COX7A1: variants seen among roughly 807,000 people sequenced by gnomAD.
COX7A1 encodes cytochrome c oxidase subunit 7A1, mitochondrial.
Under a neutral mutation model 13.2 loss-of-function variants are expected in COX7A1, and 21 were observed. The ratio of observed to expected loss-of-function variants is 1.59; its 90% CI spans 1.13 to 2.29. COX7A1 has a LOEUF of 2.29. Among genes scored for constraint, COX7A1 ranks in the 30% most tolerant of loss-of-function variants. The probability of loss-of-function intolerance (pLI) is 0.00; values close to 1 mark genes in which losing one functional copy is unlikely to be tolerated. For missense variants in COX7A1, 107 were observed against 100.0 expected (o/e 1.07, Z -0.30); for synonymous variants, 41 against 41.9 (o/e 0.98, Z 0.08).
Position 36,152,409 on chromosome 19 carries a change from C to A in COX7A1, c.-2G>T. 2.2e-6 allele frequency: 3 copies of A among 1,365,492 alleles called. No individual in the cohort carries two copies. Among genetic ancestry groups the A allele is most frequent in the Non-Finnish European group, 2.9e-6 (3 of 1,047,096 alleles). The allele number at this position is 1,365,492 out of a possible 1,614,324, so 84.6% of individuals were successfully genotyped here. ...GGGCCTCACCCGAAGGGCCTGCATT[C>A]TGCCTTGTCCTCTTCCGCCGGAGTC... On this transcript the variant is annotated 5_prime_UTR_variant, in exon 1 of 4. Coordinates refer to ENST00000292907, the MANE Select transcript of COX7A1 (RefSeq NM_001864.4).
intron 1 of COX7A1, 60 bp downstream of exon 1, chr19:36,152,333 C>T (rs533307027): frequency 2.4e-6 from 3 of 1,249,650 alleles, no homozygotes; most frequent in Non-Finnish European, 2.1e-6. Context: ...CTTGGAGAGT[C>T]GCGTATTAGG....
Position 36,151,449 on chromosome 19 carries a change from G to T in COX7A1, c.187+13C>A, listed in dbSNP as rs1974766630. 3 of 1,613,948 alleles carry T rather than the reference G, an allele frequency of 1.9e-6. No individual in the cohort carries two copies. Among genetic ancestry groups the T allele is most frequent in the South Asian group, 1.1e-5 (1 of 91,070 alleles). ...CCCGCCTCCCCCGCAGCCCAGACGG[G>T]CCCTGCGCTCACCGCCCAGACACAG... On this transcript the variant is annotated intron_variant, in intron 3 of 3. Coordinates refer to ENST00000292907, the MANE Select transcript of COX7A1 (RefSeq NM_001864.4).
At position 36,151,645 on chromosome 19, in the gene COX7A1, TCCCCAC is replaced by T; in HGVS notation, c.102+18_102+23del. On this transcript the variant is annotated intron_variant, in intron 2 of 3. Coordinates refer to ENST00000292907, the MANE Select transcript of COX7A1 (RefSeq NM_001864.4). ...GCGCGCTCCCGGCTGGCGCGTCGGATCCCCACCCCCCCCGACCCCCCACCTGGAAGA... is the reference window on the plus strand; with the variant it reads ...GCGCGCTCCCGGCTGGCGCGTCGGATCCCCCCCGACCCCCCACCTGGAAGA... The T allele has an allele frequency of 3.6e-6, 5 of 1,387,620 alleles. No homozygotes were observed. Among genetic ancestry groups the T allele is most frequent in the Non-Finnish European group, 4.0e-6 (4 of 1,011,252 alleles). The allele number at this position is 1,387,620 out of a possible 1,614,324, so 86.0% of individuals were successfully genotyped here. A position where few individuals can be genotyped will look rare whatever the true frequency, so the allele number is the denominator to read the frequency against.
intron 1 of COX7A1, chr19:36,152,031 G>A (rs1418309309): frequency 8.2e-6 from 5 of 606,782 alleles, no homozygotes; most frequent in Non-Finnish European, 1.5e-5. Flanking sequence ...CCTAAGTCCT[G>A]AGATTTTTGT....
intron 1 of COX7A1, 118 bp from the exon 2 acceptor site, chr19:36,151,873 G>T (rs1168582303): frequency 1.1e-6 from 1 of 919,464 alleles, no homozygotes; most frequent in Non-Finnish European, 1.8e-6. Context: ...CGTCCCAAAG[G>T]CGAGGAGGGT....
Position 36,151,470 on chromosome 19 carries a change from C to G in COX7A1, c.179G>C (p.Cys60Ser), listed in dbSNP as rs369479742. 5.6e-6 allele frequency: 9 copies of G among 1,614,094 alleles called. No homozygotes were observed. Among genetic ancestry groups the G allele is most frequent in the Non-Finnish European group, 7.6e-6 (9 of 1,180,038 alleles). The change falls in exon 3 of 4, where the codon TGT becomes TCT. Residue 60 changes from cysteine (C) to serine (S), a missense_variant. Physicochemically the swap from Cys to Ser is moderately radical, Grantham distance 112. Transcript: ENST00000292907. ...NILYRVTMTL[C>S]LGGTVYSLYS... ...ACGGGCCCTGCGCTCACCGCCCAGACACAGCGTCATTGTCACTCGGTACAG... is the reference window on the plus strand; with the variant it reads ...ACGGGCCCTGCGCTCACCGCCCAGAGACAGCGTCATTGTCACTCGGTACAG...
rs1419085336 is a variant in COX7A1 at position 36,150,944 on chromosome 19, C to T, written c.*38G>A. On this transcript the variant is annotated 3_prime_UTR_variant, in exon 4 of 4. Coordinates refer to ENST00000292907, the MANE Select transcript of COX7A1 (RefSeq NM_001864.4). ...ACACAGAGGCCAGCGTTTATTGACA[C>T]TTGTTCAAGTCTCTCAGGCCCCCCA... 2 of 1,602,642 alleles carry T rather than the reference C, an allele frequency of 1.2e-6. No individual in the cohort carries two copies. Among genetic ancestry groups the T allele is most frequent in the African/African-American group, 2.7e-5 (2 of 74,756 alleles).
chr19:36,151,602 C>T, intron 2 of COX7A1, 56 bp from the exon 3 acceptor site: 1 of 1,611,600 alleles, frequency 6.2e-7, no homozygotes, highest in Non-Finnish European at 8.5e-7. Flanking sequence ...TAGAGCGCGC[C>T]CCGCCTGCCC....
Position 36,151,649 on chromosome 19 carries a change from CACCCCCCCCG to C in COX7A1, c.102+10_102+19del. On this transcript the variant is annotated intron_variant, in intron 2 of 3. Transcript: ENST00000292907. ...GCTCCCGGCTGGCGCGTCGGATCCC[CACCCCCCCCG>C]ACCCCCCACCTGGAAGAGCTTCTGT... is the stretch of plus-strand genomic sequence containing the variant. 2.9e-6 allele frequency: 4 copies of C among 1,398,524 alleles called. No homozygotes were observed. Among genetic ancestry groups the C allele is most frequent in the South Asian group, 1.2e-5 (1 of 86,320 alleles). The allele number at this position is 1,398,524 out of a possible 1,614,324, so 86.6% of individuals were successfully genotyped here.
At position 36,151,660 on chromosome 19, in the gene COX7A1, A is replaced by AC. The variant is rs3214131; in HGVS notation, c.102+8dup. On this transcript the variant is annotated intron_variant, in intron 2 of 3. Coordinates refer to ENST00000292907, the MANE Select transcript of COX7A1 (RefSeq NM_001864.4). Reference sequence around the variant, plus strand: ...GCGCGTCGGATCCCCACCCCCCCCGACCCCCCACCTGGAAGAGCTTCTGTT... The same window carrying AC: ...GCGCGTCGGATCCCCACCCCCCCCGACCCCCCCACCTGGAAGAGCTTCTGTT... 4.5e-5 allele frequency: 54 copies of AC among 1,205,744 alleles called. 1 individual carries two copies. The highest frequency in any genetic ancestry group is 6.2e-5 in the East Asian group (2 of 32,392). The allele number at this position is 1,205,744 out of a possible 1,614,324, so 74.7% of individuals were successfully genotyped here.
At chr19:36,152,090 G>A (rs1974782620) in intron 1 of COX7A1, 2 of 596,160 alleles carry the variant, frequency 3.4e-6, no homozygotes, top group East Asian at 5.8e-5. Context: ...TCCCGGGAAC[G>A]TGGGGACCGG....
rs1476759151 is a variant in COX7A1 at position 36,151,762 on chromosome 19, G to A, written c.16-7C>T. Reference sequence around the variant, plus strand: ...GGATCAGCGCCTGGGACACCTGCGGGGTGGGAGGTGGGCGGGTATTGGAGG... The same window carrying A: ...GGATCAGCGCCTGGGACACCTGCGGAGTGGGAGGTGGGCGGGTATTGGAGG... On this transcript the variant is annotated splice_polypyrimidine_tract_variant and splice_region_variant and intron_variant, in intron 1 of 3. Coordinates refer to ENST00000292907, the MANE Select transcript of COX7A1 (RefSeq NM_001864.4). 1.3e-6 allele frequency: 2 copies of A among 1,591,520 alleles called. No homozygotes were observed. The highest frequency in any genetic ancestry group is 1.8e-5 in the Admixed American group (1 of 56,232).
At chr19:36,151,191 C>T (rs1159633311) in intron 3 of COX7A1, among the ~76,000 whole-genome samples, 157 bp from the exon 4 acceptor site, 1 of 152,128 alleles carries the variant, frequency 6.6e-6, no homozygotes, top group Non-Finnish European at 1.5e-5. Flanking sequence ...TTGTAAAGCC[C>T]CCTGGCTTTG....
Position 36,151,666 on chromosome 19 carries a change from C to CCCCCCCCGG in COX7A1, c.102+2_102+3insCCGGGGGGG. ...CGGATCCCCACCCCCCCCGACCCCC[C>CCCCCCCCGG]ACCTGGAAGAGCTTCTGTTTCTCGC... On this transcript the variant is annotated splice_region_variant and intron_variant, in intron 2 of 3. Transcript: ENST00000292907. 1 of 1,584,876 alleles carries CCCCCCCCGG rather than the reference C, an allele frequency of 6.3e-7. No homozygotes were observed. Among genetic ancestry groups the CCCCCCCCGG allele is most frequent in the Non-Finnish European group, 8.6e-7 (1 of 1,162,694 alleles).
chr19:36,151,650 ACCCCCCCCGACCC>A lies in COX7A1; in HGVS notation c.102+6_102+18del. On this transcript the variant is annotated splice_donor_region_variant and intron_variant, in intron 2 of 3. Transcript: ENST00000292907. Reference sequence around the variant, plus strand: ...CTCCCGGCTGGCGCGTCGGATCCCCACCCCCCCCGACCCCCCACCTGGAAGAGCTTCTGTTTCT... The same window carrying A: ...CTCCCGGCTGGCGCGTCGGATCCCCACCCACCTGGAAGAGCTTCTGTTTCT... The A allele has an allele frequency of 9.3e-7, 1 of 1,078,296 alleles. No homozygotes were observed. The highest frequency in any genetic ancestry group is 1.3e-6 in the Non-Finnish European group (1 of 775,870). 66.8% of individuals were successfully genotyped at this position (1,078,296 alleles called of 1,614,324 possible).
rs773464168 is a variant in COX7A1 at position 36,151,654 on chromosome 19, C to G, written c.102+15G>C. On this transcript the variant is annotated intron_variant, in intron 2 of 3. Transcript: ENST00000292907. ...CGGCTGGCGCGTCGGATCCCCACCCCCCCCGACCCCCCACCTGGAAGAGCT... is the reference window on the plus strand; with the variant it reads ...CGGCTGGCGCGTCGGATCCCCACCCGCCCCGACCCCCCACCTGGAAGAGCT... 151 of 1,428,946 alleles carry G rather than the reference C, an allele frequency of 1.1e-4. 1 individual carries two copies. Among genetic ancestry groups the G allele is most frequent in the Admixed American group, 3.6e-4 (17 of 46,972 alleles). The allele number at this position is 1,428,946 out of a possible 1,614,324, so 88.5% of individuals were successfully genotyped here. A position where few individuals can be genotyped will look rare whatever the true frequency, so the allele number is the denominator to read the frequency against.
chr19:36,152,115 GGA>G lies in COX7A1; in HGVS notation c.15+276_15+277del, dbSNP rs1974783036. On this transcript the variant is annotated intron_variant, in intron 1 of 3. Transcript: ENST00000292907. ...GTGGGGACCGGAATGGAGGTCCCCG[GGA>G]GCGTCCAGGCTGCCTGAGAAGGCCC... is the stretch of plus-strand genomic sequence containing the variant. 5.1e-6 allele frequency: 3 copies of G among 587,820 alleles called. No homozygotes were observed. The East Asian group carries it at 8.8e-5, about 17-fold the overall frequency. The allele number at this position is 587,820 out of a possible 1,614,324, so 36.4% of individuals were successfully genotyped here.
Position 36,152,413 on chromosome 19 carries a change from CT to C in COX7A1, c.-7del. On this transcript the variant is annotated 5_prime_UTR_variant, in exon 1 of 4. Coordinates refer to ENST00000292907, the MANE Select transcript of COX7A1 (RefSeq NM_001864.4). ...CTCACCCGAAGGGCCTGCATTCTGC[CT>C]TGTCCTCTTCCGCCGGAGTCACCTC... 2 of 1,363,626 alleles carry C rather than the reference CT, an allele frequency of 1.5e-6. No homozygotes were observed. Among genetic ancestry groups the C allele is most frequent in the East Asian group, 2.9e-5 (1 of 34,552 alleles). 84.5% of individuals were successfully genotyped at this position (1,363,626 alleles called of 1,614,324 possible). A position where few individuals can be genotyped will look rare whatever the true frequency, so the allele number is the denominator to read the frequency against.
chr19:36,152,114 G>C lies in COX7A1; in HGVS notation c.15+279C>G. 8.5e-6 allele frequency: 5 copies of C among 588,234 alleles called. No individual in the cohort carries two copies. The South Asian group carries it at 1.1e-4, about 13-fold the overall frequency. The allele number at this position is 588,234 out of a possible 1,614,324, so 36.4% of individuals were successfully genotyped here. ...CGTGGGGACCGGAATGGAGGTCCCC[G>C]GGAGCGTCCAGGCTGCCTGAGAAGG... is the stretch of plus-strand genomic sequence containing the variant. On this transcript the variant is annotated intron_variant, in intron 1 of 3. Coordinates refer to ENST00000292907, the MANE Select transcript of COX7A1 (RefSeq NM_001864.4).
Sources: allele counts gnomAD v4.1 joint callset (sites outside exome capture counted in the v4.1 genomes callset), GRCh38; gene constraint gnomAD v4.1.1; transcripts MANE v1.5; gene names NCBI Gene and HGNC (gene_info 2026-07-23, HGNC 2026-07-21).